Variants in THAP4 observed in about 807,000 individuals in gnomAD.
The protein encoded by THAP4 is THAP domain containing 4, also known as peroxynitrite isomerase THAP4.
THAP4 carries 18 observed loss-of-function variants against 48.1 expected under a neutral mutation model. That is an observed-to-expected ratio of 0.37 (90% CI 0.26 to 0.56). The LOEUF is 0.56. Among genes scored for constraint, THAP4 ranks in the 20% least tolerant of loss-of-function variants. The pLI, the probability that THAP4 is intolerant of heterozygous loss-of-function variation, is 0.78. For missense variants in THAP4, 656 were observed against 774.9 expected, an observed-to-expected ratio of 0.85 and a Z score of 1.82; for synonymous variants, 345 against 324.9, an observed-to-expected ratio of 1.06 and a Z score of -0.66.
rs2067514817 is a variant in THAP4 at position 241,628,033 on chromosome 2, T to C, written c.1240+4884A>G. Among the ~76,000 whole-genome samples, 3 of 151,950 alleles carry C rather than the reference T, an allele frequency of 2.0e-5. No homozygotes were observed. The South Asian group carries it at 6.2e-4, about 32-fold the overall frequency. Reference sequence around the variant, plus strand: ...CTGACCCCTCATCACTGGCCCCCTCTCCGCCCAGCTCCACCAGCCTCTCCA... The same window carrying C: ...CTGACCCCTCATCACTGGCCCCCTCCCCGCCCAGCTCCACCAGCCTCTCCA... On this transcript the variant is annotated intron_variant, in intron 2 of 5. Coordinates refer to ENST00000407315, the MANE Select transcript of THAP4 (RefSeq NM_015963.6).
At chr2:241,602,772 T>C (rs2067130805) in intron 4 of THAP4, among the ~76,000 whole-genome samples, 198 bp downstream of exon 4, 1 of 152,224 alleles carries the variant, frequency 6.6e-6, no homozygotes, top group Non-Finnish European at 1.5e-5. Flanking sequence ...GCACACAACC[T>C]GTGTGCCGGA....
chr2:241,605,871 C>G (rs553648724), intron 3 of THAP4, among the ~76,000 whole-genome samples: 1 of 152,148 alleles, frequency 6.6e-6, no homozygotes, highest in Non-Finnish European at 1.5e-5. Flanking sequence ...GCATGTGTCA[C>G]CACACCTGGC....
At chr2:241,591,919 A>ATTTTG (rs1338505569) in intron 5 of THAP4, 1 of 152,264 alleles carries the variant, frequency 6.6e-6, no homozygotes, top group Admixed American at 6.5e-5. Context: ...ACAATTTGTA[A>ATTTTG]AACTCAAAAG....
chr2:241,601,694 A>T lies in THAP4; in HGVS notation c.1614+202T>A. 2.1e-6 allele frequency: 2 copies of T among 943,982 alleles called. No homozygotes were observed. The highest frequency in any genetic ancestry group is 3.1e-6 in the Non-Finnish European group (2 of 651,258). The allele number at this position is 943,982 out of a possible 1,614,324, so 58.5% of individuals were successfully genotyped here. On this transcript the variant is annotated intron_variant, in intron 5 of 5. Coordinates refer to ENST00000407315, the MANE Select transcript of THAP4 (RefSeq NM_015963.6). The surrounding 1 kb of genome is among the most constrained non-coding windows in gnomAD (Gnocchi z 4.0). ...CAACAAACCTCAAAAAAACCACACC[A>T]CTGACCAGCCGAGGAGGGGGCAATG...
intron 5 of THAP4, among the ~76,000 whole-genome samples, chr2:241,585,691 A>G (rs2066884735): frequency 6.6e-6 from 1 of 151,942 alleles, no homozygotes; most frequent in Non-Finnish European, 1.5e-5. Flanking sequence ...TGAGAAGCTA[A>G]GTGGGGCCTT....
chr2:241,633,200 C>A lies in THAP4; in HGVS notation c.957G>T (p.Glu319Asp). The change falls in exon 2 of 6, where the codon GAG (glutamate) becomes GAT (aspartate). Residue 319 changes from glutamate to aspartate, a missense_variant. Glu to Asp is a conservative substitution (Grantham distance 45). Around this residue, in one of 4 missense-constraint regions of THAP4, gnomAD observed 391 missense variants for 412.4 expected, o/e 0.95. Coordinates refer to ENST00000407315, the MANE Select transcript of THAP4 (RefSeq NM_015963.6). The surrounding 1 kb of genome is among the most constrained non-coding windows in gnomAD (Gnocchi z 7.5). ...PKPATEAVQSEHSDASPMSIN... is the reference protein window; with the variant it reads ...PKPATEAVQSDHSDASPMSIN... The stretch of plus-strand genomic sequence containing the variant: ...TGGACATGGGGCTGGCGTCGCTGTG[C>A]TCGCTCTGCACGGCTTCCGTGGCTG... 6.2e-7 allele frequency: 1 copy of A among 1,609,132 alleles called. No individual in the cohort carries two copies. The highest frequency in any genetic ancestry group is 8.5e-7 in the Non-Finnish European group (1 of 1,177,140).
At chr2:241,588,980 C>G (rs1424936796) in intron 5 of THAP4, among the ~76,000 whole-genome samples, 2 of 152,062 alleles carry the variant, frequency 1.3e-5, no homozygotes, top group African/African-American at 2.4e-5. Flanking sequence ...TTTGGGAGAC[C>G]AACGAGGGTG....
intron 5 of THAP4, among the ~76,000 whole-genome samples, chr2:241,600,701 C>A (rs1488132345): frequency 7.2e-6 from 1 of 137,964 alleles, no homozygotes; most frequent in Non-Finnish European, 1.5e-5. Flanking sequence ...GCACTCCAGC[C>A]TGGGTGACAG....
At chr2:241,586,491 C>A (rs1379319069) in intron 5 of THAP4, among the ~76,000 whole-genome samples, 1 of 151,940 alleles carries the variant, frequency 6.6e-6, no homozygotes, top group Non-Finnish European at 1.5e-5. Flanking sequence ...CAATTTTTCA[C>A]ACATATTGTC....
chr2:241,592,880 GA>G (rs1559217850), intron 5 of THAP4, among the ~76,000 whole-genome samples: 1 of 152,146 alleles, frequency 6.6e-6, no homozygotes, highest in Admixed American at 6.5e-5. Context: ...TCTGTACGGG[GA>G]AAAAGGGAAA....
Position 241,602,027 on chromosome 2 carries a change from C to T in THAP4, c.1511-28G>A, listed in dbSNP as rs925749097. ...GCAAGGGAAGGGCAGTCAGCTCACC[C>T]AGCAGCTGCTCGGCTTGCAGAGAGG... On this transcript the variant is annotated intron_variant, in intron 4 of 5. Transcript: ENST00000407315. 3 of 1,603,614 alleles carry T rather than the reference C, an allele frequency of 1.9e-6. No homozygotes were observed. In the African/African-American group the frequency reaches 4.0e-5, roughly 21 times the overall value.
chr2:241,600,962 T>G (rs2067105400), intron 5 of THAP4, among the ~76,000 whole-genome samples: 1 of 140,760 alleles, frequency 7.1e-6, no homozygotes, highest in Non-Finnish European at 1.5e-5. Context: ...TACAGAAAGC[T>G]CCTACAAATC....
chr2:241,615,073 T>C (rs2067321681), intron 2 of THAP4, among the ~76,000 whole-genome samples: 1 of 152,018 alleles, frequency 6.6e-6, no homozygotes, highest in African/African-American at 2.4e-5. Flanking sequence ...CAATCAGGTG[T>C]CCCTTGAAAA....
chr2:241,617,854 G>A (rs1011900975), intron 2 of THAP4, among the ~76,000 whole-genome samples: 2 of 152,126 alleles, frequency 1.3e-5, no homozygotes, highest in African/African-American at 4.8e-5. Flanking sequence ...GGTGGCTGGA[G>A]ACTCATCTTC....
At chr2:241,585,744 G>A (rs2066885415) in intron 5 of THAP4, among the ~76,000 whole-genome samples, 1 of 151,732 alleles carries the variant, frequency 6.6e-6, no homozygotes, top group African/African-American at 2.4e-5. Context: ...GGAATTCAGT[G>A]TCCATCTAGG....
intron 5 of THAP4, chr2:241,584,992 G>A (rs577150610): frequency 2.1e-5 from 9 of 430,954 alleles, no homozygotes; most frequent in East Asian, 1.3e-4. Context: ...CACCCTGAAC[G>A]CACCTGATCT....
chr2:241,597,826 G>A (rs1392760931), intron 5 of THAP4, among the ~76,000 whole-genome samples: 1 of 152,154 alleles, frequency 6.6e-6, no homozygotes, highest in Admixed American at 6.5e-5. Context: ...GGGTGCAGGG[G>A]CTGCATGGCA....
intron 2 of THAP4, among the ~76,000 whole-genome samples, chr2:241,628,267 A>G (rs2067517811): frequency 6.6e-6 from 1 of 151,638 alleles, no homozygotes. Context: ...TGGGCCGGGC[A>G]CTGAAGCCCA....
chr2:241,624,655 G>A (rs557550458), intron 2 of THAP4, among the ~76,000 whole-genome samples: 1 of 152,208 alleles, frequency 6.6e-6, no homozygotes, highest in Non-Finnish European at 1.5e-5. Context: ...CTGTAGTTCT[G>A]AAGTTTTCAT....
Sources: gnomAD v4.1 joint callset for allele counts (sites outside exome capture counted in the v4.1 genomes callset) on GRCh38, gnomAD v4.1.1 for gene constraint, gnomAD v4.1.1 regional missense constraint, Gnocchi (gnomAD v3.1) non-coding constraint, MANE v1.5 for transcripts, NCBI Gene and HGNC (gene_info 2026-07-23, HGNC 2026-07-21) for gene names.